Variants in PPFIBP1 observed in about 807,000 individuals in gnomAD.
The protein encoded by PPFIBP1 is PPFIB scaffold protein 1.
Under a neutral mutation model 137.8 loss-of-function variants are expected in PPFIBP1, and 112 were observed. The observed-to-expected ratio is 0.81, with a 90% CI of 0.70 to 0.95. The LOEUF is 0.95. PPFIBP1 is among the 40% of genes least tolerant of loss of function. The pLI is 0.00. For missense variants in PPFIBP1, 1,083 were observed against 1,196.6 expected (o/e 0.91, Z 1.40); for synonymous variants, 378 against 417.3 (o/e 0.91, Z 1.15).
In PPFIBP1 at chr12:27,624,681, A is replaced by C. The variant is rs181428506; in HGVS notation, c.-35-8681A>C. ...TAACTTTTACTAATGTATTGTCATT[A>C]ATACGCCCTCTTTTGTACTCTGCCT... is the stretch of plus-strand genomic sequence containing the variant. On this transcript the variant is annotated intron_variant, in intron 2 of 29. Coordinates refer to ENST00000228425, the MANE Select transcript of PPFIBP1 (RefSeq NM_003622.4). 2.7e-3 allele frequency among the ~76,000 whole-genome samples: 405 copies of C among 152,328 alleles called. 1 individual carries two copies. The highest frequency in any genetic ancestry group is 4.6e-3 in the Admixed American group (70 of 15,290).
At chr12:27,678,856 C>CAAAAAAAAAAAAAAAAAA (rs60834907) in intron 19 of PPFIBP1, among the ~76,000 whole-genome samples, 35 of 98,940 alleles carry the variant, frequency 3.5e-4, no homozygotes, top group South Asian at 1.6e-3. Context: ...GACTCTGTCT[C>CAAAAAAAAAAAAAAAAAA]AAAAAAAAAA....
chr12:27,683,220 T>C (rs764831203), intron 24 of PPFIBP1, among the ~76,000 whole-genome samples: 2 of 152,154 alleles, frequency 1.3e-5, no homozygotes, highest in South Asian at 2.1e-4. Flanking sequence ...CACGCCACCA[T>C]ACCCAGCTAA....
intron 2 of PPFIBP1, among the ~76,000 whole-genome samples, chr12:27,591,372 GA>G (rs2052497623): frequency 6.6e-6 from 1 of 152,098 alleles, no homozygotes; most frequent in Non-Finnish European, 1.5e-5. Context: ...CAAGAAGGCT[GA>G]GGGCACCTTC....
chr12:27,632,630 C>A (rs1284564003), intron 2 of PPFIBP1, among the ~76,000 whole-genome samples: 2 of 152,136 alleles, frequency 1.3e-5, no homozygotes, highest in Non-Finnish European at 2.9e-5. Flanking sequence ...GTTAGACAGA[C>A]CTAGGTTAGA....
intron 1 of PPFIBP1, among the ~76,000 whole-genome samples, chr12:27,572,873 T>C (rs1342265785): frequency 3.9e-5 from 6 of 152,218 alleles, no homozygotes. Context: ...TGTCTATTTA[T>C]TTTATTGGCT....
chr12:27,524,817 A>G (rs537362993), intron 1 of PPFIBP1, among the ~76,000 whole-genome samples: 1 of 152,318 alleles, frequency 6.6e-6, no homozygotes, highest in South Asian at 2.1e-4. Flanking sequence ...ATATATTAAA[A>G]GAATATCAAT....
rs377162199 is a variant in PPFIBP1, at chr12:27,603,181, A to T, written c.-36+24942A>T. On this transcript the variant is annotated intron_variant, in intron 2 of 29. Coordinates refer to ENST00000228425, the MANE Select transcript of PPFIBP1 (RefSeq NM_003622.4). ...CGTTATTAATTCAGCAACTGTGTGC[A>T]TACCAGTTGAGTGCCTATCAGGTTC... Among the ~76,000 whole-genome samples, 9 of 152,322 alleles carry T rather than the reference A, an allele frequency of 5.9e-5. No homozygotes were observed. The East Asian group carries it at 1.5e-3, about 26-fold the overall frequency.
chr12:27,594,821 T>C (rs1339784480), intron 2 of PPFIBP1, among the ~76,000 whole-genome samples: 1 of 152,210 alleles, frequency 6.6e-6, no homozygotes, highest in African/African-American at 2.4e-5. Context: ...CACACACATA[T>C]ATATCTGTAC....
chr12:27,581,966 G>A (rs1406822613), intron 2 of PPFIBP1, among the ~76,000 whole-genome samples: 1 of 149,550 alleles, frequency 6.7e-6, no homozygotes, highest in African/African-American at 2.4e-5. Flanking sequence ...CAGATGCTTT[G>A]CGTGTGTGTG....
chr12:27,610,471 A>G (rs2054979093), intron 2 of PPFIBP1, among the ~76,000 whole-genome samples: 1 of 152,178 alleles, frequency 6.6e-6, no homozygotes, highest in Non-Finnish European at 1.5e-5. Context: ...AAGCGCCCAG[A>G]CTATGGTGTT....
chr12:27,541,262 AG>A (rs771249679), intron 1 of PPFIBP1, among the ~76,000 whole-genome samples: 1 of 150,802 alleles, frequency 6.6e-6, no homozygotes, highest in Non-Finnish European at 1.5e-5. Flanking sequence ...TGAGAGAGAG[AG>A]AAAAAAAAAA....
intron 1 of PPFIBP1, among the ~76,000 whole-genome samples, chr12:27,534,220 A>C (rs756921823): frequency 6.6e-6 from 1 of 152,176 alleles, no homozygotes; most frequent in Admixed American, 6.5e-5. Flanking sequence ...AGTGGAGGGC[A>C]GTGGGTTAGC....
chr12:27,674,063 C>A, intron 16 of PPFIBP1, 129 bp from the exon 17 acceptor site: 1 of 878,482 alleles, frequency 1.1e-6, no homozygotes, highest in South Asian at 1.7e-5. Flanking sequence ...GGAAAATAAA[C>A]AATACTAAGA....
intron 13 of PPFIBP1, among the ~76,000 whole-genome samples, chr12:27,671,071 C>T (rs2060166015): frequency 6.6e-6 from 1 of 151,752 alleles, no homozygotes; most frequent in Admixed American, 6.6e-5. Context: ...CAGGAGGCTA[C>T]GGCAGGAGAC....
At chr12:27,611,796 CT>C (rs1313816154) in intron 2 of PPFIBP1, among the ~76,000 whole-genome samples, 5 of 151,820 alleles carry the variant, frequency 3.3e-5, no homozygotes, top group Non-Finnish European at 5.9e-5. Context: ...CTCTCTCTCT[CT>C]CTCTCTCTCT....
chr12:27,533,419 G>A (rs943256927), intron 1 of PPFIBP1, among the ~76,000 whole-genome samples: 10 of 152,054 alleles, frequency 6.6e-5, no homozygotes, highest in East Asian at 1.9e-4. Context: ...CCCATATTAC[G>A]ATGAGGAATC....
chr12:27,627,600 T>A (rs1448171323), intron 2 of PPFIBP1, among the ~76,000 whole-genome samples: 3 of 152,192 alleles, frequency 2.0e-5, no homozygotes, highest in African/African-American at 7.2e-5. Flanking sequence ...AATTTTCTTA[T>A]GGCCTTTCTT....
chr12:27,557,191 C>CT (rs749456602), intron 1 of PPFIBP1, among the ~76,000 whole-genome samples: 7 of 150,864 alleles, frequency 4.6e-5, no homozygotes, highest in Non-Finnish European at 7.4e-5. Flanking sequence ...TTCTGCTGGC[C>CT]TTTTTTGTAT....
intron 2 of PPFIBP1, among the ~76,000 whole-genome samples, chr12:27,624,044 C>T (rs1159832625): frequency 1.3e-5 from 2 of 151,996 alleles, no homozygotes; most frequent in East Asian, 3.9e-4. Flanking sequence ...AATGCATGAC[C>T]CACCTTGAAA....
Sources: allele counts gnomAD v4.1 joint callset (sites outside exome capture counted in the v4.1 genomes callset), GRCh38; gene constraint gnomAD v4.1.1; transcripts MANE v1.5; gene names NCBI Gene and HGNC (gene_info 2026-07-23, HGNC 2026-07-21).